The following CARD9 variants were observed in gnomAD, a reference collection of about 807,000 sequenced individuals.
CARD9 encodes caspase recruitment domain-containing protein 9.
A neutral mutation model predicts 66.0 loss-of-function variants in CARD9; 53 were observed. That is an observed-to-expected ratio of 0.80 (90% confidence interval 0.64 to 1.01). CARD9 has a LOEUF of 1.01. Ranked by LOEUF, CARD9 falls within the 50% of genes least tolerant of loss-of-function variation. The probability of loss-of-function intolerance (pLI) is 0.00; values close to 1 mark genes in which losing one functional copy is unlikely to be tolerated. For missense variants in CARD9, 769 were observed against 743.2 expected, an observed-to-expected ratio of 1.03 and a Z score of -0.40; for synonymous variants, 387 against 313.8, an observed-to-expected ratio of 1.23 and a Z score of -2.47.
rs986779721 is a variant in CARD9 at position 136,364,181 on chromosome 9, C to A, written c.*121G>T. 3 of 1,550,428 alleles carry A rather than the reference C, an allele frequency of 1.9e-6. No homozygotes were observed. The highest frequency in any genetic ancestry group is 2.7e-5 in the African/African-American group (2 of 73,048). ...GCTGGGCCTTTCAGGGCACCAGATTCCTCGTTCCAGGCCAAGTCAGCGACG... is the reference window on the plus strand; with the variant it reads ...GCTGGGCCTTTCAGGGCACCAGATTACTCGTTCCAGGCCAAGTCAGCGACG... On this transcript the variant is annotated 3_prime_UTR_variant, in exon 13 of 13. Transcript: ENST00000371732.
intron 11 of CARD9, chr9:136,364,910 G>A (rs1833082887): frequency 5.0e-6 from 3 of 597,394 alleles, no homozygotes; most frequent in Admixed American, 6.0e-5. Flanking sequence ...ACCAGGACCA[G>A]GCACATCCAC....
chr9:136,373,287 T>C (rs1262692942), intron 1 of CARD9, among the ~76,000 whole-genome samples: 2 of 152,266 alleles, frequency 1.3e-5, no homozygotes, highest in Admixed American at 6.5e-5. Flanking sequence ...TAGACAGTCC[T>C]GGGAACACTG....
intron 2 of CARD9, 58 bp from the exon 3 acceptor site, chr9:136,371,519 T>TGGGGGGG: frequency 2.7e-6 from 1 of 365,230 alleles, no homozygotes; most frequent in South Asian, 3.2e-5. Context: ...AGGGCTGGGG[T>TGGGGGGG]GGGTGGGCCT....
Position 136,364,236 on chromosome 9 carries a change from G to C in CARD9, c.*66C>G, listed in dbSNP as rs1456931778. 3 of 1,550,272 alleles carry C rather than the reference G, an allele frequency of 1.9e-6. No homozygotes were observed. Among genetic ancestry groups the C allele is most frequent in the Non-Finnish European group, 2.6e-6 (3 of 1,146,686 alleles). ...GGGGAAGTCTGCGCCCCAGGGCGTC[G>C]GCACCCCCGGGTGGCAGGAGGCCGG... On this transcript the variant is annotated 3_prime_UTR_variant, in exon 13 of 13. Coordinates refer to ENST00000371732, the MANE Select transcript of CARD9 (RefSeq NM_052813.5).
At position 136,370,662 on chromosome 9, in the gene CARD9, C is replaced by T. The variant is rs745942827; in HGVS notation, c.667G>A (p.Asp223Asn). 3.1e-6 allele frequency: 5 copies of T among 1,612,764 alleles called. No individual in the cohort carries two copies. Among genetic ancestry groups the T allele is most frequent in the South Asian group, 1.1e-5 (1 of 91,070 alleles). Residue 223 changes from aspartate (D) to asparagine (N), a missense_variant, in exon 5 of 13, where the codon GAC (aspartate) becomes AAC (asparagine). Coordinates refer to ENST00000371732, the MANE Select transcript of CARD9 (RefSeq NM_052813.5). ...GTGTGCTTGCGCTCCACCTTGCAGT[C>T]GTCCTCGGCCTTCATGAGGCTGTGC... ...LKHSLMKAEDDCKVERKHTLK... is the reference protein window; with the variant it reads ...LKHSLMKAEDNCKVERKHTLK...
Position 136,364,310 on chromosome 9 carries a change from C to T in CARD9, c.1603G>A (p.Gly535Ser), listed in dbSNP as rs750856827. Residue 535 changes from glycine to serine, a missense_variant, in exon 13 of 13, where the codon GGC becomes AGC. Physicochemically the swap from Gly to Ser is moderately conservative, Grantham distance 56. Transcript: ENST00000371732. Reference protein sequence around the residue: ...TTGSDNTDTEGS With the variant: ...TTGSDNTDTESS ...GGCCTGCGCTGCTGCGGCTAGGAGC[C>T]CTCAGTGTCGGTGTTGTCGCTGCCC... is the stretch of plus-strand genomic sequence containing the variant. The T allele has an allele frequency of 4.5e-6, 7 of 1,558,606 alleles. No individual in the cohort carries two copies. Among genetic ancestry groups the T allele is most frequent in the South Asian group, 1.2e-5 (1 of 84,790 alleles).
At chr9:136,370,752 A>T (rs931489423) in intron 4 of CARD9, 51 bp from the exon 5 acceptor site, 35 of 1,610,538 alleles carry the variant, frequency 2.2e-5, no homozygotes, top group Non-Finnish European at 2.8e-5. Context: ...GTGACCGCAG[A>T]CCCGTGGGGC....
chr9:136,366,719 G>T, intron 10 of CARD9, 81 bp downstream of exon 10: 1 of 1,465,062 alleles, frequency 6.8e-7, no homozygotes, highest in South Asian at 1.1e-5. Context: ...CAGGCATTGC[G>T]GCACGGGCTG....
intron 8 of CARD9, 159 bp downstream of exon 8, chr9:136,367,478 G>A: frequency 2.0e-6 from 2 of 995,328 alleles, no homozygotes; most frequent in Non-Finnish European, 2.9e-6. Flanking sequence ...ACCCTGAACT[G>A]CTCGTGTGCC....
chr9:136,366,422 C>T (rs1242115291), intron 10 of CARD9: 6 of 311,542 alleles, frequency 1.9e-5, no homozygotes. Flanking sequence ...TCCCTCTGTC[C>T]AGGAGGAAGC....
rs1339311526 is a variant in CARD9 at position 136,364,520 on chromosome 9, G to A, written c.1474C>T (p.Arg492Trp). The change falls in exon 12 of 13, where the codon CGG (arginine) becomes TGG (tryptophan). Residue 492 changes from arginine to tryptophan, a missense_variant. Coordinates refer to ENST00000371732, the MANE Select transcript of CARD9 (RefSeq NM_052813.5). ...LSSGEPPEKERRRLKESFENY... is the reference protein window; with the variant it reads ...LSSGEPPEKEWRRLKESFENY... ...TCAAAACTCTCTTTGAGGCGCCGCC[G>A]CTCCTTCTCGGGCGGCTCCCCGCTG... 3 of 1,539,126 alleles carry A rather than the reference G, an allele frequency of 1.9e-6. No individual in the cohort carries two copies. The highest frequency in any genetic ancestry group is 2.6e-6 in the Non-Finnish European group (3 of 1,146,834).
chr9:136,366,856 G>T lies in CARD9; in HGVS notation c.1312-11C>A. ...CTGGGGGAGTGAGAGCTTCCAAAGA[G>T]AGTCAAGATGTCCCATTAGGCCACT... On this transcript the variant is annotated splice_polypyrimidine_tract_variant and intron_variant, in intron 9 of 12. Transcript: ENST00000371732. 6.2e-7 allele frequency: 1 copy of T among 1,613,014 alleles called. No individual in the cohort carries two copies. Among genetic ancestry groups the T allele is most frequent in the Non-Finnish European group, 8.5e-7 (1 of 1,179,932 alleles).
chr9:136,370,247 G>T (rs760242188), intron 6 of CARD9, 47 bp downstream of exon 6: 1 of 1,583,644 alleles, frequency 6.3e-7, no homozygotes, highest in South Asian at 1.1e-5. Flanking sequence ...AGCCCGTCCA[G>T]CCTGGCTTGG....
intron 7 of CARD9, 125 bp downstream of exon 7, chr9:136,369,625 C>T (rs957440296): frequency 1.3e-6 from 2 of 1,510,352 alleles, no homozygotes; most frequent in Non-Finnish European, 1.8e-6. Context: ...GGTGACATAG[C>T]AAGACCCCAT....
In CARD9 at chr9:136,365,230, G is replaced by A. The variant is rs1270082555; in HGVS notation, c.1358-13C>T. The A allele has an allele frequency of 1.9e-6, 3 of 1,606,212 alleles. 1 individual carries two copies. In the South Asian group the frequency reaches 3.3e-5, roughly 18 times the overall value. Reference sequence around the variant, plus strand: ...CCGGCAAGGCAGCCTGGAAAGGAGAGTCGTGCCTGTGGGACCTGCCCATCT... The same window carrying A: ...CCGGCAAGGCAGCCTGGAAAGGAGAATCGTGCCTGTGGGACCTGCCCATCT... On this transcript the variant is annotated splice_polypyrimidine_tract_variant and intron_variant, in intron 10 of 12. Coordinates refer to ENST00000371732, the MANE Select transcript of CARD9 (RefSeq NM_052813.5).
At chr9:136,369,711 G>T in intron 7 of CARD9, 39 bp downstream of exon 7, 1 of 1,561,300 alleles carries the variant, frequency 6.4e-7, no homozygotes, top group Non-Finnish European at 8.7e-7. Context: ...GCACCCACCC[G>T]CGAGTGGGGT....
At chr9:136,366,928 C>A in intron 9 of CARD9, 83 bp from the exon 10 acceptor site, 1 of 1,515,534 alleles carries the variant, frequency 6.6e-7, no homozygotes, top group South Asian at 1.1e-5. Context: ...AGCCCTTGGC[C>A]CTCAGCTGGG....
At chr9:136,368,981 G>A (rs953138898) in intron 7 of CARD9, among the ~76,000 whole-genome samples, 5 of 152,138 alleles carry the variant, frequency 3.3e-5, no homozygotes, top group African/African-American at 4.8e-5. Flanking sequence ...AACCACACCA[G>A]GCTAATTTTT....
At position 136,366,470 on chromosome 9, in the gene CARD9, C is replaced by A. The variant is rs1016731015; in HGVS notation, c.1357+330G>T. ...GGACTGGGCCTGCTCACCTCTGCAC[C>A]CCGTGGGGGCTGCCCAGAGGGGCCC... On this transcript the variant is annotated intron_variant, in intron 10 of 12. Transcript: ENST00000371732. 3 of 441,206 alleles carry A rather than the reference C, an allele frequency of 6.8e-6. No individual in the cohort carries two copies. In the Admixed American group the frequency reaches 1.1e-4, roughly 16 times the overall value. 27.3% of individuals were successfully genotyped at this position (441,206 alleles called of 1,614,324 possible). A position where few individuals can be genotyped will look rare whatever the true frequency, so the allele number is the denominator to read the frequency against.
Sources: allele counts gnomAD v4.1 joint callset (sites outside exome capture counted in the v4.1 genomes callset), GRCh38; gene constraint gnomAD v4.1.1; transcripts MANE v1.5; gene names NCBI Gene and HGNC (gene_info 2026-07-23, HGNC 2026-07-21).